Variants in SLC39A10 observed in about 807,000 individuals in gnomAD.
SLC39A10 encodes zinc transporter ZIP10.
A neutral mutation model predicts 65.1 loss-of-function variants in SLC39A10; 13 were observed. The observed-to-expected ratio is 0.20, with a 90% CI of 0.13 to 0.32. The LOEUF (loss-of-function observed/expected upper bound fraction) is 0.32. Ranked by LOEUF, SLC39A10 falls within the 10% of genes least tolerant of loss-of-function variation. The probability of loss-of-function intolerance (pLI) is 1.00; values close to 1 mark genes in which losing one functional copy is unlikely to be tolerated. For missense variants in SLC39A10, 831 were observed against 1,018.4 expected (o/e 0.82, Z 2.50); for synonymous variants, 321 against 342.2 (o/e 0.94, Z 0.68).
At chr2:195,691,970 G>A (rs1186714880) in intron 3 of SLC39A10, among the ~76,000 whole-genome samples, 1 of 151,632 alleles carries the variant, frequency 6.6e-6, no homozygotes, top group Admixed American at 6.6e-5. Context: ...TGTTTCCAAT[G>A]TTCTGGTTTC....
intron 2 of SLC39A10, among the ~76,000 whole-genome samples, chr2:195,631,895 T>A (rs1425730523): frequency 2.6e-5 from 4 of 152,148 alleles, no homozygotes; most frequent in Non-Finnish European, 4.4e-5. Context: ...ATTATTAATT[T>A]ATTTATTTAT....
At chr2:195,733,366 T>G (rs1206346420) in intron 9 of SLC39A10, among the ~76,000 whole-genome samples, 1 of 152,198 alleles carries the variant, frequency 6.6e-6, no homozygotes, top group Non-Finnish European at 1.5e-5. Context: ...TAGATTAGGT[T>G]TGGGTGGAAA....
At chr2:195,663,711 AG>A (rs969383806) in intron 1 of SLC39A10, among the ~76,000 whole-genome samples, 2 of 106,958 alleles carry the variant, frequency 1.9e-5, no homozygotes, top group Non-Finnish European at 4.7e-5. Context: ...TGAAAAAAAA[AG>A]AAATAAGAGA....
intron 2 of SLC39A10, among the ~76,000 whole-genome samples, chr2:195,639,555 G>T (rs575263840): frequency 1.2e-4 from 18 of 152,182 alleles, no homozygotes; most frequent in Admixed American, 3.9e-4. Context: ...TTTAATGAGT[G>T]GGAAGTTATG....
intron 9 of SLC39A10, among the ~76,000 whole-genome samples, chr2:195,734,354 G>A (rs1692518920): frequency 6.6e-6 from 1 of 151,674 alleles, no homozygotes; most frequent in African/African-American, 2.4e-5. Flanking sequence ...TATTTTTATG[G>A]GTTTCACCAT....
rs553220937 is a variant in SLC39A10, at chr2:195,667,245, C to G, written c.-12+9964C>G. Among the ~76,000 whole-genome samples the G allele has an allele frequency of 2.0e-5, 3 of 147,558 alleles. No individual in the cohort carries two copies. In the South Asian group the frequency reaches 6.4e-4, roughly 31 times the overall value. Reference sequence around the variant, plus strand: ...TTATTGGAAGAGTTGCAGTGGCATTCCAAACTGTGAATATGATTTCCAGTA... The same window carrying G: ...TTATTGGAAGAGTTGCAGTGGCATTGCAAACTGTGAATATGATTTCCAGTA... On this transcript the variant is annotated intron_variant, in intron 1 of 9. Coordinates refer to ENST00000359634, the MANE Select transcript of SLC39A10 (RefSeq NM_020342.3).
intron 2 of SLC39A10, among the ~76,000 whole-genome samples, chr2:195,619,255 C>T (rs72929762): frequency 0.14 from 20,558 of 151,982 alleles, 1,742 homozygotes; most frequent in Middle Eastern, 0.26. Flanking sequence ...TCTTCCAGAG[C>T]GAACTCAACA....
At chr2:195,638,173 A>G (rs1380673815) in intron 2 of SLC39A10, among the ~76,000 whole-genome samples, 1 of 152,182 alleles carries the variant, frequency 6.6e-6, no homozygotes, top group Non-Finnish European at 1.5e-5. Context: ...TTTATAAATA[A>G]ATAGAGACGG....
intron 1 of SLC39A10, among the ~76,000 whole-genome samples, chr2:195,668,732 G>A (rs922070504): frequency 6.6e-6 from 1 of 152,084 alleles, no homozygotes; most frequent in African/African-American, 2.4e-5. Context: ...GTTGGTTTTG[G>A]TTTTAGTGAA....
At chr2:195,640,198 A>G (rs997395407) in intron 2 of SLC39A10, among the ~76,000 whole-genome samples, 3 of 152,296 alleles carry the variant, frequency 2.0e-5, no homozygotes, top group African/African-American at 7.2e-5. Context: ...AAGAAGTGGA[A>G]GCACAAAGGC....
In SLC39A10 at chr2:195,622,701, G is replaced by A. The variant is rs151002032; in HGVS notation, c.-12+16468G>A. ...AAAACCAAGTTTGAGGGCCGGGCGCGGTGGCTCACGCCTATAATCCCAGCA... is the reference window on the plus strand; with the variant it reads ...AAAACCAAGTTTGAGGGCCGGGCGCAGTGGCTCACGCCTATAATCCCAGCA... On this transcript the variant is annotated intron_variant, in intron 2 of 2. Coordinates refer to the SLC39A10 transcript ENST00000458054. Among the ~76,000 whole-genome samples the A allele has an allele frequency of 2.8e-3, 430 of 152,220 alleles. 2 individuals are homozygous for A. The highest frequency in any genetic ancestry group is 9.8e-3 in the African/African-American group (409 of 41,544).
chr2:195,699,752 G>A (rs1691106220), intron 3 of SLC39A10, among the ~76,000 whole-genome samples: 1 of 152,024 alleles, frequency 6.6e-6, no homozygotes, highest in African/African-American at 2.4e-5. Context: ...TTCTAGTGCT[G>A]TTTTGAGTAG....
chr2:195,632,682 T>TA (rs1302211626), intron 2 of SLC39A10, among the ~76,000 whole-genome samples: 4 of 152,194 alleles, frequency 2.6e-5, no homozygotes, highest in Non-Finnish European at 5.9e-5. Flanking sequence ...CCATTTCTCT[T>TA]AGAGTCTAGA....
At chr2:195,633,995 A>G (rs1688648379) in intron 2 of SLC39A10, among the ~76,000 whole-genome samples, 1 of 152,262 alleles carries the variant, frequency 6.6e-6, no homozygotes, top group African/African-American at 2.4e-5. Context: ...TGTCCCTATC[A>G]ACAGTGTGAT....
At chr2:195,712,898 C>G (rs1368000918) in intron 5 of SLC39A10, among the ~76,000 whole-genome samples, 1 of 152,144 alleles carries the variant, frequency 6.6e-6, no homozygotes, top group Non-Finnish European at 1.5e-5. Context: ...CTCATTTAAT[C>G]CTCATAAAAA....
intron 3 of SLC39A10, among the ~76,000 whole-genome samples, chr2:195,693,292 T>G (rs555199125): frequency 1.3e-5 from 2 of 152,298 alleles, no homozygotes; most frequent in East Asian, 3.9e-4. Context: ...TTTCTTTTTT[T>G]GTTATGTCCT....
At chr2:195,733,960 G>C (rs1362117826) in intron 9 of SLC39A10, among the ~76,000 whole-genome samples, 2 of 152,062 alleles carry the variant, frequency 1.3e-5, no homozygotes, top group African/African-American at 2.4e-5. Context: ...ATGCTGGATA[G>C]CTCTGCTAGG....
At chr2:195,696,730 A>G (rs982466256) in intron 3 of SLC39A10, among the ~76,000 whole-genome samples, 2 of 152,122 alleles carry the variant, frequency 1.3e-5, no homozygotes, top group Admixed American at 6.5e-5. Flanking sequence ...AATTTATGTC[A>G]ACAGTATGTT....
At chr2:195,656,807 T>C (rs4531947), upstream of SLC39A10, 152,032 of 152,388 alleles carry the variant, frequency 1, 75,845 homozygotes, top group Middle Eastern at 1. Context: ...CATTACTCAT[T>C]CGCCTTGCCC....
Sources: gnomAD v4.1 joint callset for allele counts (sites outside exome capture counted in the v4.1 genomes callset) on GRCh38, gnomAD v4.1.1 for gene constraint, MANE v1.5 for transcripts, NCBI Gene and HGNC (gene_info 2026-07-23, HGNC 2026-07-21) for gene names.